Variants in FLVCR1 observed in about 807,000 individuals in gnomAD.
FLVCR1 encodes the protein choline/ethanolamine transporter FLVCR1.
Under a neutral mutation model 53.6 loss-of-function variants are expected in FLVCR1, and 34 were observed. That is an observed-to-expected ratio of 0.63 (90% CI 0.48 to 0.84). FLVCR1 has a LOEUF of 0.84. FLVCR1 is among the 40% of genes least tolerant of loss of function. The pLI is 0.00. For missense variants in FLVCR1, 677 were observed against 696.7 expected, an observed-to-expected ratio of 0.97 and a Z score of 0.32; for synonymous variants, 300 against 286.3, an observed-to-expected ratio of 1.05 and a Z score of -0.48.
At position 212,897,178 on chromosome 1, in the gene FLVCR1, TAAATAAATAAATAAATA is replaced by T. The variant is rs1665361535; in HGVS notation, c.*1891_*1907del. On this transcript the variant is annotated 3_prime_UTR_variant, in exon 10 of 10. Coordinates refer to ENST00000366971, the MANE Select transcript of FLVCR1 (RefSeq NM_014053.4). ...AGTGAGACTGTCTCAAATAAATAAA[TAAATAAATAAATAAATA>T]AATAAATAAATAAATAAAACCTGAG... 6.3e-5 allele frequency: 1 copy of T among 15,974 alleles called. No homozygotes were observed. Among genetic ancestry groups the T allele is most frequent in the South Asian group, 5.9e-3 (1 of 170 alleles). 1.0% of individuals were successfully genotyped at this position (15,974 alleles called of 1,614,324 possible).
chr1:212,868,282 A>G (rs978365667), intron 2 of FLVCR1, among the ~76,000 whole-genome samples: 3 of 152,156 alleles, frequency 2.0e-5, no homozygotes, highest in African/African-American at 7.2e-5. Context: ...TATTTTTTGT[A>G]GACAGGGTTT....
chr1:212,884,276 G>T (rs564768757), intron 4 of FLVCR1, among the ~76,000 whole-genome samples: 2 of 151,640 alleles, frequency 1.3e-5, no homozygotes, highest in Non-Finnish European at 2.9e-5. Flanking sequence ...TCCATCCTGG[G>T]CAATAAGAGT....
chr1:212,869,903 A>G (rs575162225), intron 2 of FLVCR1, among the ~76,000 whole-genome samples: 10 of 152,368 alleles, frequency 6.6e-5, no homozygotes, highest in African/African-American at 2.4e-4. Flanking sequence ...TTATTTTGCC[A>G]TGGTAAATAA....
intron 1 of FLVCR1, among the ~76,000 whole-genome samples, chr1:212,861,345 G>A (rs182189475): frequency 5.9e-5 from 9 of 152,254 alleles, no homozygotes; most frequent in Middle Eastern, 3.4e-3. Flanking sequence ...TGCTCCTCCA[G>A]GAACTTTTTC....
intron 1 of FLVCR1, among the ~76,000 whole-genome samples, chr1:212,861,013 G>T (rs1664224467): frequency 6.6e-6 from 1 of 152,138 alleles, no homozygotes; most frequent in Admixed American, 6.5e-5. Context: ...CATTCATCCA[G>T]CGTGGTCTTT....
chr1:212,889,974 C>G (rs1356801415), intron 8 of FLVCR1, among the ~76,000 whole-genome samples: 2 of 151,374 alleles, frequency 1.3e-5, no homozygotes, highest in Non-Finnish European at 2.9e-5. Flanking sequence ...GTGTCTGGCA[C>G]CTGGGACGTG....
At chr1:212,871,571 C>T (rs1447646964) in intron 2 of FLVCR1, among the ~76,000 whole-genome samples, 1 of 152,026 alleles carries the variant, frequency 6.6e-6, no homozygotes, top group Non-Finnish European at 1.5e-5. Flanking sequence ...TGCATGCTGC[C>T]ATGCATAGCT....
intron 4 of FLVCR1, among the ~76,000 whole-genome samples, chr1:212,884,369 G>A (rs1403705864): frequency 6.6e-6 from 1 of 151,882 alleles, no homozygotes; most frequent in Non-Finnish European, 1.5e-5. Flanking sequence ...CTGTACTCCA[G>A]CCTAGTGACA....
chr1:212,872,753 C>T lies in FLVCR1; in HGVS notation c.959C>T (p.Ser320Phe). 1.2e-6 allele frequency: 2 copies of T among 1,613,614 alleles called. No individual in the cohort carries two copies. Among genetic ancestry groups the T allele is most frequent in the East Asian group, 2.2e-5 (1 of 44,858 alleles). The change falls in exon 3 of 10, where the codon TCC (serine) becomes TTC (phenylalanine). Residue 320 changes from serine to phenylalanine, a missense_variant. Transcript: ENST00000366971. ...ALQDSPPEEY[S>F]YKKSIRNLFK... ...CAAGACAGTCCCCCTGAAGAGTACT[C>T]CTATAAGAAATCAATAAGAAACCTG... is the stretch of plus-strand genomic sequence containing the variant.
rs1475778985 is a variant in FLVCR1 at position 212,872,734 on chromosome 1, A to C, written c.940A>C (p.Ser314Arg). The C allele has an allele frequency of 1.2e-6, 2 of 1,613,210 alleles. No individual in the cohort carries two copies. The highest frequency in any genetic ancestry group is 2.2e-5 in the East Asian group (1 of 44,858). Residue 314 changes from serine (S) to arginine (R), a missense_variant, in exon 3 of 10, where the codon AGT (serine) becomes CGT (arginine). Coordinates refer to ENST00000366971, the MANE Select transcript of FLVCR1 (RefSeq NM_014053.4). ...TCAGGCTCAAGCAGCTCTTCAAGAC[A>C]GTCCCCCTGAAGAGTACTCCTATAA... ...PSQAQAALQD[S>R]PPEEYSYKKS... is the part of the protein sequence containing the mutation.
At chr1:212,871,725 A>G (rs559738892) in intron 2 of FLVCR1, among the ~76,000 whole-genome samples, 1 of 152,236 alleles carries the variant, frequency 6.6e-6, no homozygotes, top group African/African-American at 2.4e-5. Flanking sequence ...CCCTAAAGAA[A>G]TCTCTCTCTA....
chr1:212,896,882 AAAAAAAGG>A lies in FLVCR1; in HGVS notation c.*1593_*1600del, dbSNP rs1665350474. On this transcript the variant is annotated 3_prime_UTR_variant, in exon 10 of 10. Coordinates refer to ENST00000366971, the MANE Select transcript of FLVCR1 (RefSeq NM_014053.4). ...AAAAAAAAAAAAAAAAAAAAAAAAAAAAAAAAGGCCAGGCGCAGTGCTGTGGCTCATGC... is the reference window on the plus strand; with the variant it reads ...AAAAAAAAAAAAAAAAAAAAAAAAAACCAGGCGCAGTGCTGTGGCTCATGC... 1 of 146,082 alleles carries A rather than the reference AAAAAAAGG, an allele frequency of 6.8e-6. No homozygotes were observed. The highest frequency in any genetic ancestry group is 2.0e-4 in the East Asian group (1 of 5,102). The allele number at this position is 146,082 out of a possible 1,614,324, so 9.0% of individuals were successfully genotyped here. A position where few individuals can be genotyped will look rare whatever the true frequency, so the allele number is the denominator to read the frequency against.
At chr1:212,894,638 C>T (rs1326313128) in intron 8 of FLVCR1, among the ~76,000 whole-genome samples, 1 of 152,036 alleles carries the variant, frequency 6.6e-6, no homozygotes, top group African/African-American at 2.4e-5. Context: ...CTGACATAGA[C>T]TTTTTTTGCT....
intron 1 of FLVCR1, among the ~76,000 whole-genome samples, chr1:212,860,385 T>G (rs1179491409): frequency 6.8e-6 from 1 of 147,928 alleles, no homozygotes; most frequent in Non-Finnish European, 1.5e-5. Context: ...ATGGGGTTTC[T>G]CCATGTTGCT....
intron 1 of FLVCR1, among the ~76,000 whole-genome samples, chr1:212,862,103 A>G (rs1664261499): frequency 2.6e-5 from 4 of 152,092 alleles, no homozygotes; most frequent in Non-Finnish European, 4.4e-5. Context: ...ACCTTCCTCC[A>G]TTGAACCTCC....
chr1:212,863,582 C>CAAAA (rs3086478), intron 1 of FLVCR1, 143 bp from the exon 2 acceptor site: 154,033 of 582,566 alleles, frequency 0.26, 10,214 homozygotes, highest in Non-Finnish European at 0.28. Flanking sequence ...GACTTTGTCT[C>CAAAA]AAAAAAAAAA....
chr1:212,862,893 T>C (rs1010936042), intron 1 of FLVCR1, among the ~76,000 whole-genome samples: 5 of 152,116 alleles, frequency 3.3e-5, no homozygotes, highest in Admixed American at 3.3e-4. Flanking sequence ...TGGTGTGGAG[T>C]GGTATCTTAT....
chr1:212,870,970 A>G (rs1230301834), intron 2 of FLVCR1, among the ~76,000 whole-genome samples: 2 of 152,148 alleles, frequency 1.3e-5, no homozygotes, highest in African/African-American at 4.8e-5. Flanking sequence ...GGGTTTCACC[A>G]TGTTGGCCAG....
At chr1:212,879,034 T>G (rs1468000805) in intron 3 of FLVCR1, among the ~76,000 whole-genome samples, 5 of 152,050 alleles carry the variant, frequency 3.3e-5, no homozygotes, top group Non-Finnish European at 7.4e-5. Flanking sequence ...CAGCCACCTC[T>G]CCCCTAAATA....
Sources: gnomAD v4.1 joint callset for allele counts (sites outside exome capture counted in the v4.1 genomes callset) on GRCh38, gnomAD v4.1.1 for gene constraint, MANE v1.5 for transcripts, NCBI Gene and HGNC (gene_info 2026-07-23, HGNC 2026-07-21) for gene names.